The following ZFHX3 variants were observed in gnomAD, a reference collection of about 807,000 sequenced individuals.
The protein encoded by ZFHX3 is zinc finger homeobox protein 3.
ZFHX3 carries 42 observed loss-of-function variants against 279.1 expected under a neutral mutation model. That is an observed-to-expected ratio of 0.15 (90% CI 0.12 to 0.19). The LOEUF (loss-of-function observed/expected upper bound fraction) is 0.19. ZFHX3 is among the 10% of genes least tolerant of loss of function. ZFHX3 has a pLI of 1.00. For synonymous variants in ZFHX3, 2,293 were observed against 1,957.8 expected, an observed-to-expected ratio of 1.17 and a Z score of -4.52; for missense variants, 4,981 against 4,754.0, an observed-to-expected ratio of 1.05 and a Z score of -1.40.
intron 2 of ZFHX3, among the ~76,000 whole-genome samples, chr16:73,670,570 C>A (rs1406192139): frequency 1.3e-5 from 2 of 152,246 alleles, no homozygotes; most frequent in African/African-American, 4.8e-5. Flanking sequence ...ATCAGTAAGA[C>A]CTTGGTCTTC....
At chr16:73,382,623 C>A (rs1030693518) in intron 3 of ZFHX3, among the ~76,000 whole-genome samples, 3 of 148,706 alleles carry the variant, frequency 2.0e-5, no homozygotes, top group Admixed American at 1.3e-4. Context: ...CAGACTACCC[C>A]ACTTGCCCCA....
intron 1 of ZFHX3, among the ~76,000 whole-genome samples, chr16:73,803,328 G>T (rs890772592): frequency 2.0e-5 from 3 of 152,186 alleles, no homozygotes; most frequent in Non-Finnish European, 2.9e-5. Flanking sequence ...TCAGTGTTGA[G>T]GTATATCAGT....
At chr16:73,860,078 G>A (rs753329574) in intron 1 of ZFHX3, among the ~76,000 whole-genome samples, 6 of 152,148 alleles carry the variant, frequency 3.9e-5, no homozygotes, top group East Asian at 1.9e-4. Context: ...GATCATTGCC[G>A]GATGTGAACA....
At chr16:73,417,896 T>A (rs1417670425) in intron 3 of ZFHX3, among the ~76,000 whole-genome samples, 1 of 140,046 alleles carries the variant, frequency 7.1e-6, no homozygotes, top group Non-Finnish European at 1.5e-5. Flanking sequence ...GGCTGAGGCA[T>A]GAGAATGGCG....
At chr16:73,542,851 A>C (rs554329045) in intron 2 of ZFHX3, among the ~76,000 whole-genome samples, 8 of 152,250 alleles carry the variant, frequency 5.3e-5, no homozygotes, top group Non-Finnish European at 8.8e-5. Context: ...CTAAACCTTC[A>C]GAGCGTGTGT....
At chr16:73,329,445 T>C (rs745955651) in intron 3 of ZFHX3, among the ~76,000 whole-genome samples, 19 of 152,266 alleles carry the variant, frequency 1.2e-4, no homozygotes, top group Non-Finnish European at 2.5e-4. Flanking sequence ...GCAATCCATA[T>C]TGAATTCATG....
chr16:72,814,325 G>A (rs1376408384), intron 5 of ZFHX3, among the ~76,000 whole-genome samples: 1 of 152,066 alleles, frequency 6.6e-6, no homozygotes, highest in Admixed American at 6.5e-5. Flanking sequence ...CCTTGTAAAT[G>A]CCCTCAATCT....
chr16:72,794,027 C>T lies in ZFHX3; in HGVS notation c.8655G>A (p.Glu2885=), dbSNP rs1200550430. The change falls in exon 9 of 10, where the codon GAG becomes GAA. Residue 2885 remains glutamate (E), a synonymous_variant. Coordinates refer to ENST00000268489, the MANE Select transcript of ZFHX3 (RefSeq NM_006885.4). This position sits in a 1 kb window ranked among gnomAD's most constrained non-coding sequence, Gnocchi z 4.2. ...GACCAGATGACAACCGATCTTCATA[C>T]TCAGACATTGCCATCATGGCCGCTT... ...LTKAAMMAMS[E]YEDRLSSGLV... is the part of the protein sequence containing the mutation. The T allele has an allele frequency of 3.7e-6, 6 of 1,614,110 alleles. No individual in the cohort carries two copies. In the African/African-American group the frequency reaches 5.3e-5, roughly 14 times the overall value.
chr16:73,327,046 C>A (rs1354614861), intron 3 of ZFHX3, among the ~76,000 whole-genome samples: 1 of 152,200 alleles, frequency 6.6e-6, no homozygotes, highest in African/African-American at 2.4e-5. Flanking sequence ...CTTTGAAAGG[C>A]TTTGTCTAAA....
intron 3 of ZFHX3, among the ~76,000 whole-genome samples, chr16:73,330,984 C>T (rs2143226813): frequency 6.6e-6 from 1 of 152,216 alleles, no homozygotes; most frequent in South Asian, 2.1e-4. Flanking sequence ...AATCTGTGGG[C>T]AGCTGTGTTA....
chr16:72,796,109 G>C lies in ZFHX3; in HGVS notation c.6573C>G (p.His2191Gln). ...CTTTGAAGAGAGTGTTCCTGAACCA[G>C]TGCTTGATCACTTTCTGGGGCAACC... Reference protein sequence around the residue: ...KSGLPQKVIKHWFRNTLFKER... With the variant: ...KSGLPQKVIKQWFRNTLFKER... Residue 2191 changes from histidine (H) to glutamine (Q), a missense_variant, in exon 9 of 10, where the codon CAC becomes CAG. Coordinates refer to ENST00000268489, the MANE Select transcript of ZFHX3 (RefSeq NM_006885.4). 6.2e-7 allele frequency: 1 copy of C among 1,614,220 alleles called. No homozygotes were observed. The highest frequency in any genetic ancestry group is 8.5e-7 in the Non-Finnish European group (1 of 1,180,044).
intron 1 of ZFHX3, among the ~76,000 whole-genome samples, chr16:73,718,967 G>A (rs1299910080): frequency 1.3e-5 from 2 of 152,162 alleles, no homozygotes; most frequent in Admixed American, 1.3e-4. Context: ...CATATGAAAT[G>A]TATTACATCA....
At chr16:73,167,877 A>C (rs1423488650) in intron 5 of ZFHX3, among the ~76,000 whole-genome samples, 1 of 150,338 alleles carries the variant, frequency 6.7e-6, no homozygotes, top group Non-Finnish European at 1.5e-5. Context: ...CCCCAGTCTA[A>C]TGTGAATGGT....
intron 5 of ZFHX3, among the ~76,000 whole-genome samples, chr16:72,815,447 A>G (rs2036579023): frequency 6.6e-6 from 1 of 151,740 alleles, no homozygotes; most frequent in East Asian, 1.9e-4. Flanking sequence ...CTCCATCAAC[A>G]TGCTATGCTG....
intron 3 of ZFHX3, among the ~76,000 whole-genome samples, chr16:73,425,660 C>T (rs774887763): frequency 6.6e-6 from 1 of 152,040 alleles, no homozygotes; most frequent in Non-Finnish European, 1.5e-5. Context: ...CTGATGGACC[C>T]CTCTCGTGTG....
At chr16:73,114,825 T>C (rs1377900271) in intron 7 of ZFHX3, among the ~76,000 whole-genome samples, 1 of 152,092 alleles carries the variant, frequency 6.6e-6, no homozygotes, top group African/African-American at 2.4e-5. Flanking sequence ...ATTTCCTAAT[T>C]TTAGTTTGTT....
intron 1 of ZFHX3, among the ~76,000 whole-genome samples, chr16:73,026,641 A>C (rs1043323390): frequency 7.1e-6 from 1 of 140,464 alleles, no homozygotes; most frequent in African/African-American, 2.7e-5. Context: ...ATGCCATTGC[A>C]CTCTAGCCCG....
At chr16:72,956,094 G>A (rs1961238651) in intron 2 of ZFHX3, among the ~76,000 whole-genome samples, 1 of 152,216 alleles carries the variant, frequency 6.6e-6, no homozygotes, top group Non-Finnish European at 1.5e-5. Flanking sequence ...AATGGAAAAT[G>A]AGATTAAAGT....
rs34395944 is a variant in ZFHX3 at position 72,967,926 on chromosome 16, T to TAA, written c.-49-7734_-49-7733dup. Among the ~76,000 whole-genome samples, 383 of 131,690 alleles carry TAA rather than the reference T, an allele frequency of 2.9e-3. 7 individuals are homozygous for TAA. The highest frequency in any genetic ancestry group is 0.015 in the East Asian group (70 of 4,550). 86.4% of individuals were successfully genotyped at this position (131,690 alleles called of 152,430 possible). A position where few individuals can be genotyped will look rare whatever the true frequency, so the allele number is the denominator to read the frequency against. On this transcript the variant is annotated intron_variant, in intron 1 of 9. Coordinates refer to ENST00000268489, the MANE Select transcript of ZFHX3 (RefSeq NM_006885.4). ...CTGGGTGACAGAGAGAGACCCCATC[T>TAA]AAAAAAAAAAAAAAAAGTTTGAATA...
Sources: gnomAD v4.1 joint callset for allele counts (sites outside exome capture counted in the v4.1 genomes callset) on GRCh38, gnomAD v4.1.1 for gene constraint, Gnocchi (gnomAD v3.1) non-coding constraint, MANE v1.5 for transcripts, NCBI Gene and HGNC (gene_info 2026-07-23, HGNC 2026-07-21) for gene names.